ZNF423: variants seen among roughly 807,000 people sequenced by gnomAD.
ZNF423 encodes the protein zinc finger protein 423, also known as Ebf-associated zinc finger protein.
Under a neutral mutation model 95.8 loss-of-function variants are expected in ZNF423, and 12 were observed. The ratio of observed to expected loss-of-function variants is 0.13; its 90% CI spans 0.08 to 0.20. The LOEUF is 0.20. ZNF423 is among the 10% of genes least tolerant of loss of function. The probability of loss-of-function intolerance (pLI) is 1.00; values close to 1 mark genes in which losing one functional copy is unlikely to be tolerated. For synonymous variants in ZNF423, 749 were observed against 711.9 expected, an observed-to-expected ratio of 1.05 and a Z score of -0.83; for missense variants, 1,316 against 1,737.1, an observed-to-expected ratio of 0.76 and a Z score of 4.31.
At chr16:49,525,297 G>A (rs193186298) in intron 6 of ZNF423, 66 bp downstream of exon 6, 40 of 1,589,182 alleles carry the variant, frequency 2.5e-5, no homozygotes, top group Admixed American at 2.0e-4. Context: ...CTGGGATCCC[G>A]CAATAACAGG....
chr16:49,656,214 A>G (rs1026059054), intron 3 of ZNF423, among the ~76,000 whole-genome samples: 3 of 152,166 alleles, frequency 2.0e-5, no homozygotes, highest in Non-Finnish European at 4.4e-5. Flanking sequence ...GCGAATAAAG[A>G]ATGGGCAAGC....
At chr16:49,763,441 A>G (rs2033868677) in intron 2 of ZNF423, among the ~76,000 whole-genome samples, 1 of 151,970 alleles carries the variant, frequency 6.6e-6, no homozygotes, top group African/African-American at 2.4e-5. Flanking sequence ...CACCTGGCTA[A>G]TTTTTGTATT....
At chr16:49,858,288 C>G (rs2035393350), upstream of ZNF423, among the ~76,000 whole-genome samples, 1 of 150,216 alleles carries the variant, frequency 6.7e-6, no homozygotes, top group Non-Finnish European at 1.5e-5. The surrounding 1 kb of genome is among the most constrained non-coding windows in gnomAD (Gnocchi z 4.3). Flanking sequence ...CGCTCCCCAG[C>G]CTGCCGGCCA....
intron 5 of ZNF423, among the ~76,000 whole-genome samples, chr16:49,534,677 T>C (rs1450055394): frequency 6.6e-6 from 1 of 152,212 alleles, no homozygotes; most frequent in Non-Finnish European, 1.5e-5. Flanking sequence ...TCAGGGCATA[T>C]GGCCAGCCAT....
chr16:49,847,944 C>G (rs762454190), intron 1 of ZNF423, among the ~76,000 whole-genome samples: 89 of 152,014 alleles, frequency 5.9e-4, no homozygotes, highest in Non-Finnish European at 1.2e-3. Context: ...GCAGCATAGA[C>G]CCATCTCTAC....
intron 5 of ZNF423, among the ~76,000 whole-genome samples, chr16:49,577,565 AAATGTGGTGC>A (rs1207730313): frequency 6.6e-6 from 1 of 152,106 alleles, no homozygotes; most frequent in Non-Finnish European, 1.5e-5. Flanking sequence ...AAGAGAAGGG[AAATGTGGTGC>A]AAGACTTGGA....
intron 1 of ZNF423, among the ~76,000 whole-genome samples, chr16:49,851,583 C>T (rs78715153): frequency 0.022 from 3,362 of 152,344 alleles, 49 homozygotes; most frequent in Non-Finnish European, 0.033. Context: ...CCCTCCTCCT[C>T]CTCCTCTGTT....
At chr16:49,533,975 CAGTG>C (rs997489565) in intron 5 of ZNF423, among the ~76,000 whole-genome samples, 1 of 152,052 alleles carries the variant, frequency 6.6e-6, no homozygotes, top group Admixed American at 6.5e-5. Flanking sequence ...CTGGACAACA[CAGTG>C]AGACCCCATC....
At chr16:49,751,819 G>C (rs1056569258) in intron 2 of ZNF423, among the ~76,000 whole-genome samples, 1 of 152,200 alleles carries the variant, frequency 6.6e-6, no homozygotes, top group Non-Finnish European at 1.5e-5. Context: ...CTATGACAGA[G>C]AGTGGAGCTT....
intron 5 of ZNF423, among the ~76,000 whole-genome samples, chr16:49,548,434 C>T (rs528128691): frequency 3.3e-5 from 5 of 152,018 alleles, no homozygotes; most frequent in East Asian, 1.9e-4. Flanking sequence ...TGATAAGCAA[C>T]GGCATTACAT....
At chr16:49,764,184 C>T (rs1567332404) in intron 2 of ZNF423, among the ~76,000 whole-genome samples, 1 of 152,336 alleles carries the variant, frequency 6.6e-6, no homozygotes, top group Admixed American at 6.5e-5. Flanking sequence ...CGCTCCCATG[C>T]CCTGCTGCGG....
chr16:49,493,774 T>C (rs778814846), intron 7 of ZNF423, among the ~76,000 whole-genome samples: 4 of 152,234 alleles, frequency 2.6e-5, no homozygotes, highest in Non-Finnish European at 5.9e-5. Flanking sequence ...GGAGAGGGCA[T>C]TCCAAGAGGA....
At chr16:49,623,966 T>A (rs983342058) in intron 5 of ZNF423, among the ~76,000 whole-genome samples, 1 of 152,232 alleles carries the variant, frequency 6.6e-6, no homozygotes, top group Non-Finnish European at 1.5e-5. Flanking sequence ...AAAACCTTGA[T>A]GGCTGTACAA....
At chr16:49,495,349 G>C (rs185820215) in intron 7 of ZNF423, among the ~76,000 whole-genome samples, 4 of 152,152 alleles carry the variant, frequency 2.6e-5, no homozygotes, top group Admixed American at 2.6e-4. Flanking sequence ...GCATGGGCCC[G>C]GGCACAGAAA....
At chr16:49,617,750 A>G in intron 5 of ZNF423, among the ~76,000 whole-genome samples, 1 of 152,086 alleles carries the variant, frequency 6.6e-6, no homozygotes, top group East Asian at 1.9e-4. Flanking sequence ...CGGAAAGTCC[A>G]CTGACACTGC....
chr16:49,706,400 G>A (rs2032351934), intron 3 of ZNF423, among the ~76,000 whole-genome samples: 1 of 152,246 alleles, frequency 6.6e-6, no homozygotes, highest in Non-Finnish European at 1.5e-5. Context: ...CAGACACGCT[G>A]GAAGAATCCC....
intron 1 of ZNF423, among the ~76,000 whole-genome samples, chr16:49,835,315 A>G (rs1276256437): frequency 6.6e-6 from 1 of 152,142 alleles, no homozygotes; most frequent in Admixed American, 6.5e-5. Context: ...AAGAATACAG[A>G]CAACCCCATC....
At chr16:49,700,955 G>A (rs1354559802) in intron 3 of ZNF423, among the ~76,000 whole-genome samples, 1 of 152,188 alleles carries the variant, frequency 6.6e-6, no homozygotes, top group African/African-American at 2.4e-5. Context: ...GGAGGAGAAG[G>A]GAGGAGGGTC....
At chr16:49,697,113 G>A in intron 3 of ZNF423, among the ~76,000 whole-genome samples, 1 of 152,200 alleles carries the variant, frequency 6.6e-6, no homozygotes, top group East Asian at 1.9e-4. Context: ...CCAGGGCTCA[G>A]GACCTTGCTT....
Sources: gnomAD v4.1 joint callset for allele counts (sites outside exome capture counted in the v4.1 genomes callset) on GRCh38, gnomAD v4.1.1 for gene constraint, Gnocchi (gnomAD v3.1) non-coding constraint, MANE v1.5 for transcripts, NCBI Gene and HGNC (gene_info 2026-07-23, HGNC 2026-07-21) for gene names.